MDN1: variants seen among roughly 807,000 people sequenced by gnomAD.
The protein encoded by MDN1 is midasin AAA ATPase 1, also known as midasin.
A neutral mutation model predicts 669.2 loss-of-function variants in MDN1; 266 were observed. That is an observed-to-expected ratio of 0.40 (90% CI 0.36 to 0.44). MDN1 has a LOEUF of 0.44. Among genes scored for constraint, MDN1 ranks in the 20% least tolerant of loss-of-function variants. MDN1 has a pLI of 1.00. For synonymous variants in MDN1, 2,385 were observed against 2,457.1 expected (o/e 0.97, Z 0.87); for missense variants, 5,940 against 6,754.0 (o/e 0.88, Z 4.22).
intron 1 of MDN1, 98 bp downstream of exon 1, chr6:89,819,408 C>T (rs1442468437): frequency 1.7e-6 from 2 of 1,151,928 alleles, no homozygotes; most frequent in Non-Finnish European, 2.6e-6. Context: ...TGCACCACTC[C>T]CCACTTAAAG....
intron 50 of MDN1, among the ~76,000 whole-genome samples, chr6:89,709,212 G>A (rs535553452): frequency 6.6e-6 from 1 of 152,242 alleles, no homozygotes; most frequent in African/African-American, 2.4e-5. Flanking sequence ...AGGGAGGCAA[G>A]ACACAAAAAA....
intron 27 of MDN1, among the ~76,000 whole-genome samples, chr6:89,747,015 C>T (rs1489464492): frequency 6.6e-6 from 1 of 152,230 alleles, no homozygotes; most frequent in Admixed American, 6.5e-5. Context: ...TGTGGTGACA[C>T]TGCAGAAAAA....
intron 1 of MDN1, among the ~76,000 whole-genome samples, chr6:89,809,773 C>T (rs1450352921): frequency 1.1e-5 from 1 of 87,082 alleles, no homozygotes; most frequent in Non-Finnish European, 2.2e-5. Flanking sequence ...AAGACTCCCT[C>T]TCAAAATAAA....
In MDN1 at chr6:89,690,123, C is replaced by G; in HGVS notation, c.10770G>C (p.Val3590=). 3 of 1,614,062 alleles carry G rather than the reference C, an allele frequency of 1.9e-6. No homozygotes were observed. In the South Asian group the frequency reaches 3.3e-5, roughly 18 times the overall value. ...CTTTGTTCTCCTCCAACGTTGGCTG[C>G]ACCAAAATATCTGCAAAGTCCTATA... is the stretch of plus-strand genomic sequence containing the variant. ...LHEKDFADIL[V]QPTLEENKGT... is the part of the protein sequence containing the mutation. The change falls in exon 65 of 102, where the codon GTG becomes GTC. Residue 3590 remains valine, a synonymous_variant. Transcript: ENST00000369393.
At chr6:89,788,924 GACCA>G (rs1819111603) in intron 7 of MDN1, among the ~76,000 whole-genome samples, 1 of 152,140 alleles carries the variant, frequency 6.6e-6, no homozygotes, top group Non-Finnish European at 1.5e-5. Flanking sequence ...AGGAGTTCGT[GACCA>G]GCCTGGCCAA....
chr6:89,767,031 G>T (rs768428433), intron 15 of MDN1, among the ~76,000 whole-genome samples: 12 of 152,010 alleles, frequency 7.9e-5, no homozygotes, highest in Non-Finnish European at 1.8e-4. Flanking sequence ...CCTATAGTAA[G>T]TGCTATGAAC....
In MDN1 at chr6:89,796,115, A is replaced by G. The variant is rs536098615; in HGVS notation, c.330-1314T>C. ...TGAGGTAGGCAGATCACTTTAGGTA[A>G]GGAGTTCAAGACCAGCCTGGCCAAC... On this transcript the variant is annotated intron_variant, in intron 2 of 101. Transcript: ENST00000369393. 1.2e-4 allele frequency among the ~76,000 whole-genome samples: 18 copies of G among 151,982 alleles called. No homozygotes were observed. The South Asian group carries it at 3.7e-3, about 32-fold the overall frequency.
rs1017976787 is a variant in MDN1 at position 89,794,094 on chromosome 6, G to A, written c.662+6C>T. ...TAGCAAGACCTCCACGAAGGTTCCTGCTTACCTCAACCTGAAATGGATCAA... is the reference window on the plus strand; with the variant it reads ...TAGCAAGACCTCCACGAAGGTTCCTACTTACCTCAACCTGAAATGGATCAA... On this transcript the variant is annotated splice_donor_region_variant and intron_variant, in intron 4 of 101. Coordinates refer to ENST00000369393, the MANE Select transcript of MDN1 (RefSeq NM_014611.3). The A allele has an allele frequency of 8.4e-6, 13 of 1,550,030 alleles. No individual in the cohort carries two copies. Among genetic ancestry groups the A allele is most frequent in the Non-Finnish European group, 1.1e-5 (13 of 1,143,650 alleles).
chr6:89,645,183 G>A (rs1391141980), intron 100 of MDN1, 26 bp from the exon 101 acceptor site: 2 of 1,564,080 alleles, frequency 1.3e-6, no homozygotes, highest in Non-Finnish European at 1.7e-6. Context: ...GACGAAGCAA[G>A]GGAATAAAAT....
intron 85 of MDN1, among the ~76,000 whole-genome samples, chr6:89,663,317 G>T (rs372645281): frequency 2.6e-4 from 39 of 152,210 alleles, no homozygotes; most frequent in African/African-American, 7.5e-4. Context: ...GTTTCCATGG[G>T]TCCTCCCCAT....
intron 92 of MDN1, among the ~76,000 whole-genome samples, chr6:89,655,496 C>T (rs1456015135): frequency 6.6e-6 from 1 of 152,184 alleles, no homozygotes; most frequent in Non-Finnish European, 1.5e-5. Context: ...TAACCATCTT[C>T]ACTTGGTTAC....
chr6:89,668,127 T>C lies in MDN1; in HGVS notation c.13981A>G (p.Met4661Val). 4 of 1,614,126 alleles carry C rather than the reference T, an allele frequency of 2.5e-6. No individual in the cohort carries two copies. The highest frequency in any genetic ancestry group is 3.4e-6 in the Non-Finnish European group (4 of 1,180,008). Residue 4661 changes from methionine (M) to valine (V), a missense_variant, in exon 84 of 102, where the codon ATG (methionine) becomes GTG (valine). Met to Val is a conservative substitution (Grantham distance 21). This residue lies in a region of MDN1 where 2,280 missense variants were observed against 2,576.3 expected (regional missense o/e 0.88). Coordinates refer to ENST00000369393, the MANE Select transcript of MDN1 (RefSeq NM_014611.3). ...GCTCCCTCTCCAGCTGAATCTTCCATAAATTCTTTGGGCAAGCAAAATCCC... is the reference window on the plus strand; with the variant it reads ...GCTCCCTCTCCAGCTGAATCTTCCACAAATTCTTTGGGCAAGCAAAATCCC... Reference protein sequence around the residue: ...QKGFCLPKEFMEDSAGEGATE... With the variant: ...QKGFCLPKEFVEDSAGEGATE...
chr6:89,788,095 G>A (rs4707570), intron 7 of MDN1, 138 bp from the exon 8 acceptor site: 684,333 of 714,236 alleles, frequency 0.96, 328,232 homozygotes, highest in African/African-American at 0.98. Flanking sequence ...ACTGGGGTCA[G>A]TATGCAGGTG....
intron 22 of MDN1, among the ~76,000 whole-genome samples, chr6:89,752,960 T>G (rs895668611): frequency 6.6e-6 from 1 of 151,982 alleles, no homozygotes; most frequent in South Asian, 2.1e-4. Flanking sequence ...CAGTCCCTAC[T>G]AAAATTACAA....
intron 27 of MDN1, among the ~76,000 whole-genome samples, chr6:89,746,631 G>T (rs1162553663): frequency 7.9e-6 from 1 of 126,008 alleles, no homozygotes; most frequent in Non-Finnish European, 1.7e-5. Context: ...AAGAAAGAAA[G>T]AAAGAAAGAA....
intron 46 of MDN1, 23 bp from the exon 47 acceptor site, chr6:89,713,319 TATAAACA>T (rs1270138272): frequency 1.9e-6 from 3 of 1,589,654 alleles, no homozygotes; most frequent in African/African-American, 1.4e-5. Context: ...AATTGCCATC[TATAAACA>T]ATAGAGTCTT....
At chr6:89,670,551 A>G (rs1447737641) in intron 83 of MDN1, among the ~76,000 whole-genome samples, 2 of 152,132 alleles carry the variant, frequency 1.3e-5, no homozygotes, top group Non-Finnish European at 1.5e-5. Flanking sequence ...AGAAAACTTA[A>G]TAGCCTTAAG....
intron 82 of MDN1, 144 bp downstream of exon 82, chr6:89,672,056 G>A (rs1034780420): frequency 2.2e-5 from 17 of 763,900 alleles, no homozygotes; most frequent in South Asian, 8.0e-5. Flanking sequence ...GACTTTGCAC[G>A]TATAAATAAA....
At chr6:89,689,210 A>G (rs1812220460) in intron 65 of MDN1, among the ~76,000 whole-genome samples, 1 of 152,210 alleles carries the variant, frequency 6.6e-6, no homozygotes, top group Non-Finnish European at 1.5e-5. Flanking sequence ...TTCTCCCCTA[A>G]AGCAACATTG....
Sources: allele counts gnomAD v4.1 joint callset (sites outside exome capture counted in the v4.1 genomes callset), GRCh38; gene constraint gnomAD v4.1.1; regional missense constraint gnomAD v4.1.1; transcripts MANE v1.5; gene names NCBI Gene and HGNC (gene_info 2026-07-23, HGNC 2026-07-21).